SLCO1B1: variants seen among roughly 807,000 people sequenced by gnomAD.
SLCO1B1 encodes the protein OATP-2.
In SLCO1B1, 81 loss-of-function variants were observed where a neutral mutation model predicts 70.1. That is an observed-to-expected ratio of 1.16 (90% CI 0.97 to 1.39). The LOEUF (loss-of-function observed/expected upper bound fraction) is 1.39, where lower values mean the gene tolerates loss of function less well. Ranked by LOEUF, SLCO1B1 falls within the 40% of genes most tolerant of loss-of-function variation. The pLI is 0.00. For missense variants in SLCO1B1, 895 were observed against 799.6 expected (o/e 1.12, Z -1.44); for synonymous variants, 283 against 271.5 (o/e 1.04, Z -0.42).
intron 14 of SLCO1B1, among the ~76,000 whole-genome samples, chr12:21,229,757 T>A (rs1941514975): frequency 1.3e-5 from 2 of 152,228 alleles, no homozygotes; most frequent in African/African-American, 4.8e-5. Context: ...GTTCCAAGTG[T>A]GTTTTTGTCT....
intron 1 of SLCO1B1, among the ~76,000 whole-genome samples, chr12:21,132,467 T>C (rs1046506378): frequency 1.3e-5 from 2 of 152,188 alleles, no homozygotes; most frequent in African/African-American, 4.8e-5. Flanking sequence ...GTAAAAGTGT[T>C]CCTATTTCTC....
At chr12:21,153,637 C>T (rs974530325) in intron 2 of SLCO1B1, among the ~76,000 whole-genome samples, 14 of 151,890 alleles carry the variant, frequency 9.2e-5, no homozygotes, top group Admixed American at 3.3e-4. Flanking sequence ...TCTTCTATGT[C>T]CTTGCTAATA....
At chr12:21,217,688 C>T (rs1007045715) in intron 12 of SLCO1B1, among the ~76,000 whole-genome samples, 3 of 152,030 alleles carry the variant, frequency 2.0e-5, no homozygotes, top group African/African-American at 4.8e-5. Flanking sequence ...TAAAATAAAG[C>T]ATTTGAAAAC....
At chr12:21,224,103 G>A (rs1941459619) in intron 13 of SLCO1B1, among the ~76,000 whole-genome samples, 1 of 152,070 alleles carries the variant, frequency 6.6e-6, no homozygotes, top group Non-Finnish European at 1.5e-5. Flanking sequence ...AAAATCAATT[G>A]TAGAAAATCA....
At chr12:21,196,867 T>C in intron 7 of SLCO1B1, 79 bp from the exon 8 acceptor site, 1 of 1,428,334 alleles carries the variant, frequency 7.0e-7, no homozygotes, top group African/African-American at 1.4e-5. Context: ...TGTAGTTTAC[T>C]TTCTTCATAC....
At position 21,202,662 on chromosome 12, in the gene SLCO1B1, C is replaced by T; in HGVS notation, c.1307C>T (p.Ala436Val). Residue 436 changes from alanine to valine, a missense_variant, in exon 10 of 15, where the codon GCC becomes GTC. Ala to Val is a moderately conservative substitution (Grantham distance 64, BLOSUM62 0). Coordinates refer to ENST00000256958, the MANE Select transcript of SLCO1B1 (RefSeq NM_006446.5). ...FFILCENKSV[A>V]GLTMTYDGNN... ...ATACTCTGTGAAAACAAATCAGTTG[C>T]CGGACTAACCATGACCTATGATGGG... The T allele has an allele frequency of 6.2e-7, 1 of 1,612,006 alleles. No individual in the cohort carries two copies. The highest frequency in any genetic ancestry group is 1.7e-4 in the Middle Eastern group (1 of 6,010).
intron 14 of SLCO1B1, among the ~76,000 whole-genome samples, chr12:21,226,726 A>G (rs965603810): frequency 2.6e-5 from 4 of 151,764 alleles, no homozygotes; most frequent in Non-Finnish European, 5.9e-5. Flanking sequence ...TGAATTTAAT[A>G]ATAATGCATT....
chr12:21,213,023 G>T (rs1163942518), intron 11 of SLCO1B1, among the ~76,000 whole-genome samples: 11 of 151,672 alleles, frequency 7.3e-5, no homozygotes, highest in Admixed American at 3.3e-4. Context: ...TATCCAATTT[G>T]CCAGTCTGTG....
intron 1 of SLCO1B1, among the ~76,000 whole-genome samples, chr12:21,132,553 T>C (rs1940154026): frequency 6.6e-6 from 1 of 152,196 alleles, no homozygotes; most frequent in African/African-American, 2.4e-5. Context: ...TAGTATCTCA[T>C]TGTGGTTTTG....
chr12:21,222,328 G>T lies in SLCO1B1; in HGVS notation c.1711G>T (p.Ala571Ser). The T allele has an allele frequency of 1.7e-6, 2 of 1,162,112 alleles. No homozygotes were observed. Among genetic ancestry groups the T allele is most frequent in the Non-Finnish European group, 2.3e-6 (2 of 875,134 alleles). 72.0% of individuals were successfully genotyped at this position (1,162,112 alleles called of 1,614,324 possible). The stretch of plus-strand genomic sequence containing the variant: ...TGTTCAACCTGAATTGAAATCACTT[G>T]CACTGGGTTTCCACTCAATGGTTAT... ...KIVQPELKSL[A>S]LGFHSMVIRA... is the part of the protein sequence containing the mutation. The change falls in exon 13 of 15, where the codon GCA becomes TCA. Residue 571 changes from alanine (A) to serine (S), a missense_variant. Coordinates refer to ENST00000256958, the MANE Select transcript of SLCO1B1 (RefSeq NM_006446.5).
chr12:21,154,536 A>G (rs1940515488), intron 2 of SLCO1B1, among the ~76,000 whole-genome samples: 1 of 152,142 alleles, frequency 6.6e-6, no homozygotes, highest in Non-Finnish European at 1.5e-5. Context: ...AAACAGACTG[A>G]GACATATGTT....
intron 13 of SLCO1B1, 127 bp from the exon 14 acceptor site, chr12:21,224,595 C>T: frequency 1.5e-6 from 1 of 684,022 alleles, no homozygotes; most frequent in South Asian, 1.7e-5. Flanking sequence ...AGATGCAGAA[C>T]AAAATAATAA....
rs80233242 is a variant in SLCO1B1 at position 21,180,924 on chromosome 12, A to G, written c.727+1904A>G. ...TAACATTGAATGTTCAGATATCATTATATCTTCTCTTATTCAGTGATGAGT... is the reference window on the plus strand; with the variant it reads ...TAACATTGAATGTTCAGATATCATTGTATCTTCTCTTATTCAGTGATGAGT... On this transcript the variant is annotated intron_variant, in intron 7 of 14. Coordinates refer to ENST00000256958, the MANE Select transcript of SLCO1B1 (RefSeq NM_006446.5). Among the ~76,000 whole-genome samples, 974 of 152,320 alleles carry G rather than the reference A, an allele frequency of 6.4e-3. 7 individuals carry two copies. The highest frequency in any genetic ancestry group is 0.022 in the African/African-American group (895 of 41,560).
intron 1 of SLCO1B1, among the ~76,000 whole-genome samples, chr12:21,133,770 A>G (rs1381292412): frequency 6.6e-6 from 1 of 152,150 alleles, no homozygotes; most frequent in Non-Finnish European, 1.5e-5. Flanking sequence ...CAATCATGTG[A>G]TCTGCAAACA....
At chr12:21,202,998 A>G (rs1042410056) in intron 10 of SLCO1B1, among the ~76,000 whole-genome samples, 2 of 152,062 alleles carry the variant, frequency 1.3e-5, no homozygotes, top group African/African-American at 4.8e-5. Context: ...TACATGGATT[A>G]CACAGCTAGC....
At chr12:21,173,906 C>T (rs1029454623) in intron 3 of SLCO1B1, among the ~76,000 whole-genome samples, 3 of 151,658 alleles carry the variant, frequency 2.0e-5, no homozygotes, top group Non-Finnish European at 2.9e-5. Flanking sequence ...TACAGGCACC[C>T]GCCACTATGC....
At chr12:21,171,105 A>T (rs950173302) in intron 2 of SLCO1B1, among the ~76,000 whole-genome samples, 1 of 152,214 alleles carries the variant, frequency 6.6e-6, no homozygotes, top group Non-Finnish European at 1.5e-5. Flanking sequence ...GTGAGCAGAA[A>T]GGGGTGCAAT....
At chr12:21,222,917 A>G (rs765335673) in intron 13 of SLCO1B1, among the ~76,000 whole-genome samples, 1 of 152,144 alleles carries the variant, frequency 6.6e-6, no homozygotes, top group Non-Finnish European at 1.5e-5. Context: ...CAAAGTTAAA[A>G]AAGAAGAAAT....
intron 4 of SLCO1B1, 23 bp downstream of exon 4, chr12:21,174,732 A>G: frequency 6.2e-7 from 1 of 1,601,506 alleles, no homozygotes; most frequent in Non-Finnish European, 8.5e-7. Flanking sequence ...AAAAAAAAAA[A>G]CCTCTGTGCC....
Sources: allele counts gnomAD v4.1 joint callset (sites outside exome capture counted in the v4.1 genomes callset), GRCh38; gene constraint gnomAD v4.1.1; transcripts MANE v1.5; gene names NCBI Gene and HGNC (gene_info 2026-07-23, HGNC 2026-07-21).